Variants in PTPRD observed in about 807,000 individuals in gnomAD.
PTPRD encodes receptor-type tyrosine-protein phosphatase delta.
A neutral mutation model predicts 214.5 loss-of-function variants in PTPRD; 34 were observed. The ratio of observed to expected loss-of-function variants is 0.16; its 90% CI spans 0.12 to 0.21. PTPRD has a LOEUF of 0.21. Among genes scored for constraint, PTPRD ranks in the 10% least tolerant of loss-of-function variants. PTPRD has a pLI of 1.00. For synonymous variants in PTPRD, 1,128 were observed against 845.7 expected, an observed-to-expected ratio of 1.33 and a Z score of -5.79; for missense variants, 2,545 against 2,398.7, an observed-to-expected ratio of 1.06 and a Z score of -1.27.
In PTPRD at chr9:9,354,832, G is replaced by C. The variant is rs1452856468; in HGVS notation, c.-203+42617C>G. Among the ~76,000 whole-genome samples, 11 of 151,744 alleles carry C rather than the reference G, an allele frequency of 7.2e-5. No individual in the cohort carries two copies. The Admixed American group carries it at 7.3e-4, about 10-fold the overall frequency. On this transcript the variant is annotated intron_variant, in intron 9 of 45. Transcript: ENST00000381196. ...AACACATGCAAGAAGTGATGGAGTTGTGCATGAAGATATCTGGAGGAAAAA... is the reference window on the plus strand; with the variant it reads ...AACACATGCAAGAAGTGATGGAGTTCTGCATGAAGATATCTGGAGGAAAAA...
intron 39 of PTPRD, among the ~76,000 whole-genome samples, chr9:8,356,813 G>A (rs1001817913): frequency 6.6e-6 from 1 of 152,082 alleles, no homozygotes; most frequent in Non-Finnish European, 1.5e-5. Context: ...CTAAATACGT[G>A]TGCATAAAAT....
Position 10,601,200 on chromosome 9 carries a change from GAGTA to G in PTPRD, c.-600+11194_-600+11197del, listed in dbSNP as rs555759204. On this transcript the variant is annotated intron_variant, in intron 2 of 45. Transcript: ENST00000381196. The stretch of plus-strand genomic sequence containing the variant: ...CCATTGGTGGCAGAAAAAACGAATA[GAGTA>G]AGTAAGGTAGAGTCAGGGAGACAGT... Among the ~76,000 whole-genome samples the G allele has an allele frequency of 2.0e-4, 31 of 151,698 alleles. 1 individual carries two copies. The South Asian group carries it at 5.8e-3, about 28-fold the overall frequency.
At chr9:8,549,530 C>T (rs1476542280) in intron 14 of PTPRD, among the ~76,000 whole-genome samples, 1 of 152,090 alleles carries the variant, frequency 6.6e-6, no homozygotes, top group Non-Finnish European at 1.5e-5. Context: ...AACATTTTTG[C>T]ATATTCCTAT....
At chr9:9,456,658 G>T (rs1234504513) in intron 8 of PTPRD, among the ~76,000 whole-genome samples, 2 of 151,774 alleles carry the variant, frequency 1.3e-5, no homozygotes, top group African/African-American at 4.8e-5. Flanking sequence ...TGCTTATTAT[G>T]AGCTATACAT....
At chr9:8,592,112 T>C (rs1274614728) in intron 14 of PTPRD, among the ~76,000 whole-genome samples, 2 of 152,156 alleles carry the variant, frequency 1.3e-5, no homozygotes, top group Non-Finnish European at 2.9e-5. Context: ...TTAAAAGAAC[T>C]ATGTGGAAAA....
intron 3 of PTPRD, among the ~76,000 whole-genome samples, chr9:10,276,835 G>C (rs2094720528): frequency 1.3e-5 from 2 of 152,204 alleles, no homozygotes; most frequent in African/African-American, 4.8e-5. Context: ...ACCCAAATTA[G>C]AGTTGTTGGC....
chr9:9,624,992 C>T (rs942218527), intron 7 of PTPRD, among the ~76,000 whole-genome samples: 3 of 152,118 alleles, frequency 2.0e-5, no homozygotes, highest in African/African-American at 4.8e-5. Context: ...AAATACTTGC[C>T]TTGTGCCTAC....
intron 8 of PTPRD, among the ~76,000 whole-genome samples, chr9:9,563,327 G>A (rs140310326): frequency 7.2e-5 from 11 of 152,170 alleles, no homozygotes; most frequent in African/African-American, 2.4e-4. Flanking sequence ...ACTATTATAA[G>A]GTGGGATCAG....
At chr9:10,004,647 C>G (rs2096427825) in intron 4 of PTPRD, among the ~76,000 whole-genome samples, 2 of 152,034 alleles carry the variant, frequency 1.3e-5, no homozygotes, top group African/African-American at 4.8e-5. Flanking sequence ...ACCGCACACA[C>G]ACACACAGTG....
chr9:9,475,934 T>C (rs1007980323), intron 8 of PTPRD, among the ~76,000 whole-genome samples: 4 of 152,170 alleles, frequency 2.6e-5, no homozygotes, highest in African/African-American at 7.2e-5. Flanking sequence ...TCACACATTG[T>C]AGGGATTATC....
At chr9:10,430,091 C>T (rs900581421) in intron 2 of PTPRD, among the ~76,000 whole-genome samples, 1 of 151,820 alleles carries the variant, frequency 6.6e-6, no homozygotes, top group African/African-American at 2.4e-5. Flanking sequence ...CCATAAATGC[C>T]TCAGCTTGAG....
At chr9:8,970,608 G>A (rs1221609820) in intron 11 of PTPRD, among the ~76,000 whole-genome samples, 2 of 151,532 alleles carry the variant, frequency 1.3e-5, no homozygotes, top group Non-Finnish European at 3.0e-5. Flanking sequence ...GTGGAGAAAA[G>A]AAAAAACCAC....
intron 12 of PTPRD, among the ~76,000 whole-genome samples, chr9:8,715,888 A>G (rs1022240701): frequency 1.3e-5 from 2 of 152,260 alleles, no homozygotes; most frequent in Non-Finnish European, 2.9e-5. Flanking sequence ...TTTCACAGAA[A>G]TAGTACACAG....
At chr9:9,815,896 A>G (rs2048605342) in intron 5 of PTPRD, among the ~76,000 whole-genome samples, 2 of 152,158 alleles carry the variant, frequency 1.3e-5, no homozygotes, top group Admixed American at 6.6e-5. Flanking sequence ...TGCTAAGTCC[A>G]AGATACTAAG....
chr9:9,681,094 G>A (rs140538534), intron 7 of PTPRD, among the ~76,000 whole-genome samples: 87 of 151,854 alleles, frequency 5.7e-4, no homozygotes, highest in African/African-American at 1.9e-3. Context: ...GCATATGTTA[G>A]AGTCAAATAA....
chr9:8,486,771 T>C (rs1248387934), intron 27 of PTPRD, among the ~76,000 whole-genome samples: 2 of 152,188 alleles, frequency 1.3e-5, no homozygotes, highest in East Asian at 1.9e-4. Context: ...GCTAAGTGCA[T>C]TGCATATAGT....
At chr9:9,784,378 G>A (rs2098898842) in intron 5 of PTPRD, among the ~76,000 whole-genome samples, 1 of 151,718 alleles carries the variant, frequency 6.6e-6, no homozygotes, top group African/African-American at 2.4e-5. Context: ...AGCTTTTTAT[G>A]GCTTATTTAC....
intron 3 of PTPRD, among the ~76,000 whole-genome samples, chr9:10,270,077 T>G (rs982001552): frequency 6.6e-6 from 1 of 152,110 alleles, no homozygotes; most frequent in African/African-American, 2.4e-5. Context: ...TTCAGTAGTA[T>G]TTTTGTTTGT....
intron 3 of PTPRD, among the ~76,000 whole-genome samples, chr9:10,252,202 CTT>C (rs34395736): frequency 0.58 from 87,311 of 151,732 alleles, 27,125 homozygotes; most frequent in East Asian, 0.73. Flanking sequence ...CTGCATGAAA[CTT>C]TGTGACAGCC....
Sources: gnomAD v4.1 joint callset for allele counts (sites outside exome capture counted in the v4.1 genomes callset) on GRCh38, gnomAD v4.1.1 for gene constraint, MANE v1.5 for transcripts, NCBI Gene and HGNC (gene_info 2026-07-23, HGNC 2026-07-21) for gene names.